The following NPM1 variants were observed in gnomAD, a reference collection of about 807,000 sequenced individuals.
NPM1 encodes the protein nucleophosmin.
A neutral mutation model predicts 44.1 loss-of-function variants in NPM1; 1 was observed. The observed-to-expected ratio is 0.02, with a 90% CI of 0.01 to 0.11. The LOEUF is 0.11. NPM1 is among the 10% of genes least tolerant of loss of function. NPM1 has a pLI of 1.00. For synonymous variants in NPM1, 126 were observed against 111.8 expected (o/e 1.13, Z -0.80); for missense variants, 197 against 347.8 (o/e 0.57, Z 3.45).
chr5:171,409,772 G>A (rs1272822270), intron 10 of NPM1, among the ~76,000 whole-genome samples: 1 of 152,006 alleles, frequency 6.6e-6, no homozygotes, highest in Non-Finnish European at 1.5e-5. Context: ...CTCTTAAAGT[G>A]CTGGGATTAC....
At chr5:171,387,701 G>T (rs1382047711), upstream of NPM1, 7 of 551,610 alleles carry the variant, frequency 1.3e-5, no homozygotes, top group Admixed American at 9.9e-5. Flanking sequence ...GTGGGGGCGA[G>T]GTAGAAAGGA....
chr5:171,388,743 C>T (rs1163839362), intron 1 of NPM1, among the ~76,000 whole-genome samples: 2 of 152,222 alleles, frequency 1.3e-5, no homozygotes, highest in African/African-American at 4.8e-5. Context: ...GTGCTTACAG[C>T]ATGTACTGTG....
Position 171,392,187 on chromosome 5 carries a change from C to T in NPM1, c.352+388C>T, listed in dbSNP as rs563740780. Reference sequence around the variant, plus strand: ...ACTCCTGGCCTTAACGTGATCTGCACGCCCTGGCCTCTCAAAGTGCTAGTA... The same window carrying T: ...ACTCCTGGCCTTAACGTGATCTGCATGCCCTGGCCTCTCAAAGTGCTAGTA... On this transcript the variant is annotated intron_variant, in intron 4 of 10. Transcript: ENST00000296930. Among the ~76,000 whole-genome samples the T allele has an allele frequency of 4.6e-5, 7 of 152,280 alleles. No homozygotes were observed. In the South Asian group the frequency reaches 1.0e-3, roughly 23 times the overall value.
chr5:171,405,511 T>C (rs1468999496), intron 9 of NPM1, 108 bp downstream of exon 9: 3 of 666,894 alleles, frequency 4.5e-6, no homozygotes, highest in Non-Finnish European at 8.1e-6. Flanking sequence ...TGGTTTAATA[T>C]ACTTGCCTGG....
intron 8 of NPM1, among the ~76,000 whole-genome samples, chr5:171,402,949 GTTCT>G (rs1446305558): frequency 1.6e-5 from 1 of 61,196 alleles, no homozygotes; most frequent in Non-Finnish European, 3.4e-5. Context: ...ATCTCAGGTA[GTTCT>G]TTTTTTTTTT....
rs201956080 is a variant in NPM1 at position 171,388,760 on chromosome 5, GCT to G, written c.58+758_58+759del. On this transcript the variant is annotated intron_variant, in intron 1 of 10. Transcript: ENST00000296930. ...GCTTACAGCATGTACTGTGATGGCA[GCT>G]CTCATTTTTTTGAGCCCCTTTTCTG... Among the ~76,000 whole-genome samples the G allele has an allele frequency of 6.9e-4, 105 of 152,318 alleles. 3 individuals carry two copies. In the East Asian group the frequency reaches 0.019, roughly 28 times the overall value.
intron 10 of NPM1, among the ~76,000 whole-genome samples, chr5:171,409,807 A>G (rs992957615): frequency 1.2e-4 from 10 of 84,360 alleles, no homozygotes; most frequent in Non-Finnish European, 1.6e-4. Context: ...ATGCCTGGCC[A>G]GCTGTTTTTT....
rs749918542 is a variant in NPM1 at position 171,387,882 on chromosome 5, T to G, written c.-67T>G. The G allele has an allele frequency of 1.4e-6, 2 of 1,475,280 alleles. No homozygotes were observed. Among genetic ancestry groups the G allele is most frequent in the South Asian group, 1.1e-5 (1 of 87,816 alleles). The allele number at this position is 1,475,280 out of a possible 1,614,324, so 91.4% of individuals were successfully genotyped here. On this transcript the variant is annotated 5_prime_UTR_variant, in exon 1 of 11. Coordinates refer to ENST00000296930, the MANE Select transcript of NPM1 (RefSeq NM_002520.7). Reference sequence around the variant, plus strand: ...GGTGTGATTCCGTCCTGCGCGGTTGTTCTCTGGAGCAGCGTTCTTTTATCT... The same window carrying G: ...GGTGTGATTCCGTCCTGCGCGGTTGGTCTCTGGAGCAGCGTTCTTTTATCT...
intron 6 of NPM1, among the ~76,000 whole-genome samples, chr5:171,394,448 A>G (rs201053938): frequency 6.6e-6 from 1 of 152,072 alleles, no homozygotes; most frequent in East Asian, 1.9e-4. Flanking sequence ...TGCTGGGATT[A>G]CAGGCATGAG....
chr5:171,391,159 T>G lies in NPM1; in HGVS notation c.139-146T>G, dbSNP rs189890174. ...GTTTGTATAAGCACATTCTTATGAT[T>G]GTACAAAGATGAAATTGTCTAACAA... On this transcript the variant is annotated intron_variant, in intron 2 of 10. Transcript: ENST00000296930. 3.7e-5 allele frequency: 33 copies of G among 897,374 alleles called. No individual in the cohort carries two copies. The Admixed American group carries it at 8.3e-4, about 22-fold the overall frequency. The allele number at this position is 897,374 out of a possible 1,614,324, so 55.6% of individuals were successfully genotyped here.
chr5:171,391,614 A>G (rs1175330841), intron 3 of NPM1, 92 bp from the exon 4 acceptor site: 2 of 1,122,278 alleles, frequency 1.8e-6, no homozygotes, highest in Non-Finnish European at 2.7e-6. Context: ...AAACAGGTTC[A>G]CTGGTTTGTT....
intron 10 of NPM1, among the ~76,000 whole-genome samples, chr5:171,410,104 T>C (rs1337288855): frequency 3.3e-5 from 5 of 152,202 alleles, no homozygotes; most frequent in Admixed American, 6.5e-5. Context: ...CCTCAGCATA[T>C]AGTTTTTTCT....
In NPM1 at chr5:171,406,540, G is replaced by C. The variant is rs995623616; in HGVS notation, c.771+1137G>C. On this transcript the variant is annotated intron_variant, in intron 9 of 10. Transcript: ENST00000296930. ...TATTTTAATCTCAATCCCCTTTTCTGATTTGCCACCCATGCCTCTTCAGGC... is the reference window on the plus strand; with the variant it reads ...TATTTTAATCTCAATCCCCTTTTCTCATTTGCCACCCATGCCTCTTCAGGC... The C allele has an allele frequency of 1.9e-5, 28 of 1,507,056 alleles. 1 individual carries two copies. The South Asian group carries it at 3.4e-4, about 18-fold the overall frequency. The allele number at this position is 1,507,056 out of a possible 1,614,324, so 93.4% of individuals were successfully genotyped here. A position where few individuals can be genotyped will look rare whatever the true frequency, so the allele number is the denominator to read the frequency against.
Position 171,405,346 on chromosome 5 carries a change from A to T in NPM1, c.714A>T (p.Pro238=), listed in dbSNP as rs778045427. 13 of 1,596,874 alleles carry T rather than the reference A, an allele frequency of 8.1e-6. No individual in the cohort carries two copies. The highest frequency in any genetic ancestry group is 1.1e-5 in the South Asian group (1 of 89,260). ...FKKQEKTPKT[P]KGPSSVEDIK... is the part of the protein sequence containing the mutation. The stretch of plus-strand genomic sequence containing the variant: ...AACAGGAAAAAACTCCTAAAACACC[A>T]AAAGGACCTAGTTCTGTAGAAGACA... Residue 238 remains proline, a synonymous_variant, in exon 9 of 11, where the codon CCA becomes CCT. Coordinates refer to ENST00000296930, the MANE Select transcript of NPM1 (RefSeq NM_002520.7).
At position 171,410,513 on chromosome 5, in the gene NPM1, T is replaced by C. The variant is rs1414836717; in HGVS notation, c.847-14T>C. The C allele has an allele frequency of 6.5e-7, 1 of 1,546,144 alleles. No homozygotes were observed. Among genetic ancestry groups the C allele is most frequent in the Non-Finnish European group, 8.7e-7 (1 of 1,145,770 alleles). On this transcript the variant is annotated splice_polypyrimidine_tract_variant and intron_variant, in intron 10 of 10. Transcript: ENST00000296930. ...TGTGGTTCCTTAACCACATTTCTTT[T>C]TTTTTTTTTCCAGGCTATTCAAGAT...
chr5:171,402,424 A>G (rs1443057001), intron 8 of NPM1, among the ~76,000 whole-genome samples: 1 of 149,786 alleles, frequency 6.7e-6, no homozygotes, highest in Non-Finnish European at 1.5e-5. Context: ...AATTAGTTCA[A>G]CCATTGTGGA....
intron 8 of NPM1, 50 bp from the exon 9 acceptor site, chr5:171,405,252 A>T: frequency 1.1e-6 from 1 of 879,218 alleles, no homozygotes; most frequent in Non-Finnish European, 1.8e-6. Context: ...GGTTTTAATT[A>T]GGAATTGTAT....
At chr5:171,394,261 A>G (rs1770757389) in intron 6 of NPM1, among the ~76,000 whole-genome samples, 1 of 151,610 alleles carries the variant, frequency 6.6e-6, no homozygotes, top group Non-Finnish European at 1.5e-5. Context: ...GCTGGTCTTG[A>G]ACTCCTAACC....
At chr5:171,405,694 C>G in intron 9 of NPM1, 1 of 342,816 alleles carries the variant, frequency 2.9e-6, no homozygotes, top group South Asian at 3.1e-5. Context: ...TCAGTGAAAA[C>G]CCTTTGCCTA....
Sources: gnomAD v4.1 joint callset for allele counts (sites outside exome capture counted in the v4.1 genomes callset) on GRCh38, gnomAD v4.1.1 for gene constraint, MANE v1.5 for transcripts, NCBI Gene and HGNC (gene_info 2026-07-23, HGNC 2026-07-21) for gene names.